Variants in PHACTR2 observed in about 807,000 individuals in gnomAD.
PHACTR2 encodes the protein chromosome 6 open reading frame 56.
A neutral mutation model predicts 76.0 loss-of-function variants in PHACTR2; 30 were observed. The observed-to-expected ratio is 0.39, with a 90% CI of 0.30 to 0.54. PHACTR2 has a LOEUF of 0.54. PHACTR2 is among the 20% of genes least tolerant of loss of function. The pLI is 0.61. For synonymous variants in PHACTR2, 292 were observed against 292.5 expected (o/e 1.00, Z 0.02); for missense variants, 696 against 781.1 (o/e 0.89, Z 1.30).
chr6:143,746,998 C>G (rs1205636258), intron 2 of PHACTR2, among the ~76,000 whole-genome samples: 1 of 152,140 alleles, frequency 6.6e-6, no homozygotes, highest in Non-Finnish European at 1.5e-5. Context: ...TCCTTTTTAA[C>G]CCAAAGCTGT....
In PHACTR2 at chr6:143,537,614, G is replaced by C. The variant is rs1269565720; in HGVS notation, c.217+407G>C. On this transcript the variant is annotated intron_variant, in intron 1 of 11. Coordinates refer to the PHACTR2 transcript ENST00000367584. This position sits in a 1 kb window ranked among gnomAD's most constrained non-coding sequence, Gnocchi z 4.4. ...GAAGGGTGCGGTTCCCTCACTTTGC[G>C]GGCTGGGACCAGGGCAGGTCTTGGG... 6.6e-6 allele frequency among the ~76,000 whole-genome samples: 1 copy of C among 152,178 alleles called. No homozygotes were observed. The highest frequency in any genetic ancestry group is 1.5e-5 in the Non-Finnish European group (1 of 68,022).
intron 11 of PHACTR2, among the ~76,000 whole-genome samples, chr6:143,792,450 A>G (rs73778691): frequency 0.02 from 3,016 of 151,812 alleles, 74 homozygotes; most frequent in Admixed American, 0.071. Flanking sequence ...TTCACCTCTC[A>G]TTTAGTGGCT....
At chr6:143,766,357 G>C (rs888710329) in intron 6 of PHACTR2, among the ~76,000 whole-genome samples, 3 of 152,172 alleles carry the variant, frequency 2.0e-5, no homozygotes, top group African/African-American at 7.2e-5. Context: ...AACCCTGTGG[G>C]ACAGAATTAG....
intron 1 of PHACTR2, among the ~76,000 whole-genome samples, chr6:143,601,905 T>C (rs1262394399): frequency 6.6e-6 from 1 of 152,230 alleles, no homozygotes; most frequent in Non-Finnish European, 1.5e-5. Context: ...TTTTTAATTA[T>C]TATTGATACA....
At chr6:143,632,485 C>A (rs1464228234) in intron 1 of PHACTR2, among the ~76,000 whole-genome samples, 1 of 152,100 alleles carries the variant, frequency 6.6e-6, no homozygotes, top group African/African-American at 2.4e-5. Flanking sequence ...ACATAAAGAG[C>A]AAAGTACAAT....
chr6:143,808,233 G>A (rs150132605), intron 12 of PHACTR2, among the ~76,000 whole-genome samples: 2,148 of 151,278 alleles, frequency 0.014, 49 homozygotes, highest in African/African-American at 0.048. Flanking sequence ...GGGTTCAAGC[G>A]ATTCTCCTGT....
Position 143,784,054 on chromosome 6 carries a change from AAG to A in PHACTR2, c.1707+776_1707+777del, listed in dbSNP as rs886749978. Among the ~76,000 whole-genome samples, 3 of 152,162 alleles carry A rather than the reference AAG, an allele frequency of 2.0e-5. No individual in the cohort carries two copies. Among genetic ancestry groups the A allele is most frequent in the African/African-American group, 4.8e-5 (2 of 41,470 alleles). On this transcript the variant is annotated intron_variant, in intron 10 of 12. Transcript: ENST00000440869. The surrounding 1 kb of genome is among the most constrained non-coding windows in gnomAD (Gnocchi z 4.5). ...GAACAATGAAAAAAAAAAAGAAAAA[AAG>A]AAGTGAAAAAAGTTTTTAATTATGA...
rs112461783 is a variant in PHACTR2 at position 143,733,754 on chromosome 6, C to CA, written c.215-15230dup. ...AAGGTCAATGTGGGAACATCTTTCT[C>CA]AGAAAGGAAGTGTGGTGGGGGTTGT... On this transcript the variant is annotated intron_variant, in intron 2 of 12. Transcript: ENST00000440869. The surrounding 1 kb of genome is among the most constrained non-coding windows in gnomAD (Gnocchi z 4.0). Among the ~76,000 whole-genome samples the CA allele has an allele frequency of 0.067, 10,204 of 152,126 alleles. 1,126 individuals carry two copies. The highest frequency in any genetic ancestry group is 0.23 in the African/African-American group (9,566 of 41,434).
chr6:143,571,042 A>G lies in PHACTR2; in HGVS notation c.217+33835A>G, dbSNP rs556872871. 3.3e-5 allele frequency among the ~76,000 whole-genome samples: 5 copies of G among 152,326 alleles called. 1 individual carries two copies. In the East Asian group the frequency reaches 9.6e-4, roughly 29 times the overall value. On this transcript the variant is annotated intron_variant, in intron 1 of 11. Transcript: ENST00000367584. This position sits in a 1 kb window ranked among gnomAD's most constrained non-coding sequence, Gnocchi z 4.6. ...CTTTTAGCTGCTGCAAAACTGGTAC[A>G]TGGAGTTCTCGTATACTCTTCACCT...
Position 143,596,602 on chromosome 6 carries a change from G to T in PHACTR2, c.217+59395G>T, listed in dbSNP as rs957911922. On this transcript the variant is annotated intron_variant, in intron 1 of 11. Coordinates refer to the PHACTR2 transcript ENST00000367584. The surrounding 1 kb of genome is among the most constrained non-coding windows in gnomAD (Gnocchi z 4.6). Reference sequence around the variant, plus strand: ...GCCTGTAATCCCAGCATTATGGGATGCCAAGGTGGGAGGATCACATGAGCC... The same window carrying T: ...GCCTGTAATCCCAGCATTATGGGATTCCAAGGTGGGAGGATCACATGAGCC... Among the ~76,000 whole-genome samples, 1 of 152,150 alleles carries T rather than the reference G, an allele frequency of 6.6e-6. No homozygotes were observed. Among genetic ancestry groups the T allele is most frequent in the Non-Finnish European group, 1.5e-5 (1 of 68,034 alleles).
intron 6 of PHACTR2, among the ~76,000 whole-genome samples, chr6:143,766,896 G>T (rs1040076170): frequency 6.6e-6 from 1 of 152,184 alleles, no homozygotes; most frequent in Non-Finnish European, 1.5e-5. Flanking sequence ...ATTCTGTCTG[G>T]CAAAGGCTTA....
At chr6:143,559,153 A>G (rs1176592502) in intron 1 of PHACTR2, among the ~76,000 whole-genome samples, 5 of 152,222 alleles carry the variant, frequency 3.3e-5, no homozygotes, top group African/African-American at 1.2e-4. Flanking sequence ...TATAATATAT[A>G]GATGACTCTT....
intron 1 of PHACTR2, among the ~76,000 whole-genome samples, chr6:143,542,014 C>T (rs1317446510): frequency 6.6e-6 from 1 of 152,184 alleles, no homozygotes; most frequent in Non-Finnish European, 1.5e-5. Flanking sequence ...ATTTGTGTAA[C>T]TCAGAGTGGG....
chr6:143,575,356 C>A (rs1293620280), intron 1 of PHACTR2, among the ~76,000 whole-genome samples: 3 of 152,148 alleles, frequency 2.0e-5, no homozygotes, highest in African/African-American at 7.2e-5. Flanking sequence ...TTTTTATAAG[C>A]ACCATGTCTT....
intron 11 of PHACTR2, 40 bp downstream of exon 11, chr6:143,788,950 T>C (rs1391534903): frequency 6.3e-7 from 1 of 1,576,498 alleles, no homozygotes; most frequent in East Asian, 2.3e-5. Flanking sequence ...TGTATTGCTT[T>C]TCTGGAAGCT....
intron 2 of PHACTR2, among the ~76,000 whole-genome samples, chr6:143,737,961 T>C (rs1778856618): frequency 6.6e-6 from 1 of 152,218 alleles, no homozygotes; most frequent in Non-Finnish European, 1.5e-5. Flanking sequence ...CCTGGTCTGA[T>C]TGGATATGTA....
intron 1 of PHACTR2, among the ~76,000 whole-genome samples, chr6:143,579,283 G>C (rs1189403051): frequency 1.3e-5 from 2 of 152,172 alleles, no homozygotes; most frequent in Non-Finnish European, 2.9e-5. Flanking sequence ...TTGGAGGAGG[G>C]AAAGTGTGGG....
At position 143,765,260 on chromosome 6, in the gene PHACTR2, G is replaced by T. The variant is rs369599323; in HGVS notation, c.695-1G>T. The T allele has an allele frequency of 2.6e-5, 42 of 1,609,472 alleles. No individual in the cohort carries two copies. Among genetic ancestry groups the T allele is most frequent in the Non-Finnish European group, 3.3e-5 (39 of 1,177,880 alleles). The stretch of plus-strand genomic sequence containing the variant: ...TTTAATGCAAGGTCTCTCTATTGTA[G>T]CTGGCTCCTCTCATTCAAAAAAAAC... On this transcript the variant is annotated splice_acceptor_variant, in intron 5 of 12. Coordinates refer to ENST00000440869, the MANE Select transcript of PHACTR2 (RefSeq NM_001100164.2). LOFTEE classifies it high-confidence loss of function. The surrounding 1 kb of genome is among the most constrained non-coding windows in gnomAD (Gnocchi z 4.1).
intron 1 of PHACTR2, among the ~76,000 whole-genome samples, chr6:143,600,817 G>T (rs1775807293): frequency 6.6e-6 from 1 of 152,200 alleles, no homozygotes; most frequent in Non-Finnish European, 1.5e-5. Context: ...ACAGAAGCCT[G>T]AAGCTTTAAA....
Sources: gnomAD v4.1 joint callset for allele counts (sites outside exome capture counted in the v4.1 genomes callset) on GRCh38, gnomAD v4.1.1 for gene constraint, Gnocchi (gnomAD v3.1) non-coding constraint, MANE v1.5 for transcripts, NCBI Gene and HGNC (gene_info 2026-07-23, HGNC 2026-07-21) for gene names.